Variants in ADAMTS2 observed in about 807,000 individuals in gnomAD.
The protein encoded by ADAMTS2 is ADAM metallopeptidase with thrombospondin type 1 motif 2, also known as A disintegrin and metalloproteinase with thrombospondin motifs 2.
ADAMTS2 carries 50 observed loss-of-function variants against 123.0 expected under a neutral mutation model. The observed-to-expected ratio is 0.41, with a 90% CI of 0.32 to 0.51. The LOEUF is 0.51. Ranked by LOEUF, ADAMTS2 falls within the 20% of genes least tolerant of loss-of-function variation. ADAMTS2 has a pLI of 0.35. For synonymous variants in ADAMTS2, 678 were observed against 695.4 expected (o/e 0.98, Z 0.39); for missense variants, 1,494 against 1,705.2 (o/e 0.88, Z 2.18).
chr5:179,245,180 G>T (rs2113457798), intron 3 of ADAMTS2, among the ~76,000 whole-genome samples: 1 of 152,294 alleles, frequency 6.6e-6, no homozygotes, highest in African/African-American at 2.4e-5. Flanking sequence ...GCACGGGAAG[G>T]ACTTGGCCTG....
chr5:179,230,655 G>A (rs1428515188), intron 3 of ADAMTS2, among the ~76,000 whole-genome samples: 1 of 152,142 alleles, frequency 6.6e-6, no homozygotes, highest in African/African-American at 2.4e-5. Context: ...TCCATTTCAC[G>A]CATGTACCTA....
In ADAMTS2 at chr5:179,117,110, G is replaced by A. The variant is rs1285640261; in HGVS notation, c.3179-2786C>T. On this transcript the variant is annotated intron_variant, in intron 21 of 21. Transcript: ENST00000251582. This position sits in a 1 kb window ranked among gnomAD's most constrained non-coding sequence, Gnocchi z 4.2. Reference sequence around the variant, plus strand: ...ACTGCTGATGATAGTACTGTTTGAAGGTGGGTGGAGGAGACACAGAGCTCC... The same window carrying A: ...ACTGCTGATGATAGTACTGTTTGAAAGTGGGTGGAGGAGACACAGAGCTCC... Among the ~76,000 whole-genome samples, 1 of 152,204 alleles carries A rather than the reference G, an allele frequency of 6.6e-6. No individual in the cohort carries two copies. Among genetic ancestry groups the A allele is most frequent in the Non-Finnish European group, 1.5e-5 (1 of 68,044 alleles).
At chr5:179,265,531 A>G (rs1260106751) in intron 3 of ADAMTS2, among the ~76,000 whole-genome samples, 1 of 152,158 alleles carries the variant, frequency 6.6e-6, no homozygotes. Context: ...TTCTGCCTTC[A>G]CAGCCCAGGG....
In ADAMTS2 at chr5:179,153,586, C is replaced by T. The variant is rs750225306; in HGVS notation, c.1420G>A (p.Asp474Asn). Residue 474 changes from aspartate to asparagine, a missense_variant, in exon 9 of 22, where the codon GAC (aspartate) becomes AAC (asparagine). Asp to Asn is a conservative substitution (Grantham distance 23). This residue lies in a region of ADAMTS2 where 953 missense variants were observed against 1,124.7 expected (regional missense o/e 0.85). Transcript: ENST00000251582. ...GGGAGCTGGGGCAGCGCCGGCCAGT[C>T]GTGGGCGAAGGGGTCATCCAGCAGG... is the stretch of plus-strand genomic sequence containing the variant. Reference protein sequence around the residue: ...DCLLDDPFAHDWPALPQLPGL... With the variant: ...DCLLDDPFAHNWPALPQLPGL... 8 of 1,607,578 alleles carry T rather than the reference C, an allele frequency of 5.0e-6. No individual in the cohort carries two copies. The highest frequency in any genetic ancestry group is 5.9e-6 in the Non-Finnish European group (7 of 1,179,764).
At chr5:179,210,729 G>C (rs185746245) in intron 3 of ADAMTS2, among the ~76,000 whole-genome samples, 1 of 152,342 alleles carries the variant, frequency 6.6e-6, no homozygotes, top group Admixed American at 6.5e-5. Context: ...AATGCCCTCA[G>C]ACCTGGGGCA....
At chr5:179,278,292 T>A (rs955061285) in intron 2 of ADAMTS2, among the ~76,000 whole-genome samples, 1 of 151,414 alleles carries the variant, frequency 6.6e-6, no homozygotes, top group Non-Finnish European at 1.5e-5. Context: ...TATTCCCTGA[T>A]TTTCAAACAC....
At chr5:179,247,030 A>C (rs1042402890) in intron 3 of ADAMTS2, among the ~76,000 whole-genome samples, 1 of 152,218 alleles carries the variant, frequency 6.6e-6, no homozygotes, top group African/African-American at 2.4e-5. Flanking sequence ...CAGGAAATAA[A>C]AAAGACCTTC....
At chr5:179,335,251 A>G (rs1757584622) in intron 2 of ADAMTS2, among the ~76,000 whole-genome samples, 1 of 152,210 alleles carries the variant, frequency 6.6e-6, no homozygotes, top group Non-Finnish European at 1.5e-5. Context: ...TTTCAGAAAT[A>G]TATTTTATTT....
chr5:179,306,366 T>A (rs1246787507), intron 2 of ADAMTS2, among the ~76,000 whole-genome samples: 7 of 151,796 alleles, frequency 4.6e-5, no homozygotes, highest in African/African-American at 1.5e-4. Flanking sequence ...GGAAAAAAAA[T>A]ATGCTTATAT....
At chr5:179,133,180 G>A (rs749244161) in intron 13 of ADAMTS2, among the ~76,000 whole-genome samples, 7 of 152,198 alleles carry the variant, frequency 4.6e-5, no homozygotes, top group Non-Finnish European at 1.0e-4. Flanking sequence ...CACGCGGCTG[G>A]TCTTGGGCAG....
In ADAMTS2 at chr5:179,344,064, C is replaced by T. The variant is rs753133442; in HGVS notation, c.237G>A (p.Thr79=). 4.3e-6 allele frequency: 7 copies of T among 1,611,710 alleles called. No homozygotes were observed. The East Asian group carries it at 8.9e-5, about 21-fold the overall frequency. The change falls in exon 2 of 22, where the codon ACG becomes ACA. Residue 79 remains threonine (T), a synonymous_variant. Coordinates refer to ENST00000251582, the MANE Select transcript of ADAMTS2 (RefSeq NM_014244.5). ...TGCGGGCTCGTACCCCTGCTCTGGA[C>T]GTAGCTGCCGACACCACGTGGGACA... ...RLVSHVVSAA[T]SRAGVRARRA...
intron 4 of ADAMTS2, among the ~76,000 whole-genome samples, chr5:179,193,008 C>T (rs562688093): frequency 1.4e-4 from 22 of 152,300 alleles, no homozygotes; most frequent in Non-Finnish European, 1.9e-4. Flanking sequence ...GGGCTGGCAC[C>T]TCTTTTGCAC....
intron 3 of ADAMTS2, among the ~76,000 whole-genome samples, chr5:179,249,537 A>C (rs1765871450): frequency 6.6e-6 from 1 of 152,176 alleles, no homozygotes; most frequent in Non-Finnish European, 1.5e-5. Flanking sequence ...AGAAGGCTCC[A>C]ATTACTAAAA....
chr5:179,207,475 T>TACCCCCCCCCCCCCCCCC, intron 4 of ADAMTS2, 38 bp downstream of exon 4: 2 of 588,618 alleles, frequency 3.4e-6, no homozygotes, highest in Admixed American at 2.0e-5. Flanking sequence ...TGGTTGACCC[T>TACCCCCCCCCCCCCCCCC]CCCCGCCCCA....
intron 3 of ADAMTS2, among the ~76,000 whole-genome samples, chr5:179,263,617 T>TCGTGGCGCAGCCCACACCTCACGG (rs1232088505): frequency 1.3e-5 from 2 of 152,206 alleles, no homozygotes; most frequent in Non-Finnish European, 2.9e-5. Context: ...CCAGCTGTGC[T>TCGTGGCGCAGCCCACACCTCACGG]CGTGGCGCAG....
intron 3 of ADAMTS2, among the ~76,000 whole-genome samples, chr5:179,253,373 G>A (rs747628509): frequency 4.6e-5 from 7 of 152,128 alleles, no homozygotes; most frequent in Non-Finnish European, 1.0e-4. Context: ...GCCGGGCGCA[G>A]TGGCTCAGGC....
chr5:179,154,206 G>T lies in ADAMTS2; in HGVS notation c.1239-14C>A. 1 of 1,544,864 alleles carries T rather than the reference G, an allele frequency of 6.5e-7. No homozygotes were observed. Among genetic ancestry groups the T allele is most frequent in the East Asian group, 2.4e-5 (1 of 41,598 alleles). ...TCCATGCCCAGCCTGCGAGGGCCGAGGCAGCTGGCTGAATCCCACTGGCAC... is the reference window on the plus strand; with the variant it reads ...TCCATGCCCAGCCTGCGAGGGCCGATGCAGCTGGCTGAATCCCACTGGCAC... On this transcript the variant is annotated splice_polypyrimidine_tract_variant and intron_variant, in intron 7 of 21. Transcript: ENST00000251582.
chr5:179,139,055 A>C (rs370142461), intron 11 of ADAMTS2, among the ~76,000 whole-genome samples: 1 of 152,248 alleles, frequency 6.6e-6, no homozygotes, highest in Non-Finnish European at 1.5e-5. Flanking sequence ...AATACCAGAC[A>C]GGCCAAAAAG....
intron 10 of ADAMTS2, among the ~76,000 whole-genome samples, chr5:179,147,556 C>G (rs1763273650): frequency 6.6e-6 from 1 of 152,174 alleles, no homozygotes; most frequent in Non-Finnish European, 1.5e-5. Context: ...GCTGAGGCAC[C>G]TTTTTCTGCA....
Sources: allele counts gnomAD v4.1 joint callset (sites outside exome capture counted in the v4.1 genomes callset), GRCh38; gene constraint gnomAD v4.1.1; regional missense constraint gnomAD v4.1.1; non-coding constraint Gnocchi (gnomAD v3.1); transcripts MANE v1.5; gene names NCBI Gene and HGNC (gene_info 2026-07-23, HGNC 2026-07-21).